RANBP3: variants seen among roughly 807,000 people sequenced by gnomAD.
The protein encoded by RANBP3 is RAN binding protein 3.
A neutral mutation model predicts 77.3 loss-of-function variants in RANBP3; 14 were observed. The observed-to-expected ratio is 0.18, with a 90% confidence interval of 0.12 to 0.28. The LOEUF (loss-of-function observed/expected upper bound fraction) is 0.28, where lower values mean the gene tolerates loss of function less well. Ranked by LOEUF, RANBP3 falls within the 10% of genes least tolerant of loss-of-function variation. The probability of loss-of-function intolerance (pLI) is 1.00; values close to 1 mark genes in which losing one functional copy is unlikely to be tolerated. For missense variants in RANBP3, 586 were observed against 752.3 expected (o/e 0.78, Z 2.59); for synonymous variants, 315 against 312.4 (o/e 1.01, Z -0.09).
chr19:5,932,634 G>A (rs915757305), intron 6 of RANBP3, 90 bp from the exon 7 acceptor site: 6 of 1,002,476 alleles, frequency 6.0e-6, no homozygotes, highest in Non-Finnish European at 9.2e-6. Flanking sequence ...CCCATTTCAT[G>A]CCCCTTGCAG....
rs3068973 is a variant in RANBP3 at position 5,961,732 on chromosome 19, T to TCAAAACAAAACAAAACAAAA, written c.23-3779_23-3760dup. Among the ~76,000 whole-genome samples the TCAAAACAAAACAAAACAAAA allele has an allele frequency of 1.5e-4, 23 of 149,360 alleles. 1 individual carries two copies. The highest frequency in any genetic ancestry group is 5.7e-4 in the African/African-American group (23 of 40,086). Reference sequence around the variant, plus strand: ...TGGGCAACAAGAGTGAAACTCTGTCTCAAAACAAAACAAAACAAAACAAAA... The same window carrying TCAAAACAAAACAAAACAAAA: ...TGGGCAACAAGAGTGAAACTCTGTCTCAAAACAAAACAAAACAAAACAAAACAAAACAAAACAAAACAAAA... On this transcript the variant is annotated intron_variant, in intron 1 of 16. Coordinates refer to ENST00000340578, the MANE Select transcript of RANBP3 (RefSeq NM_007322.3).
At chr19:5,918,135 G>A (rs981793381) in intron 15 of RANBP3, among the ~76,000 whole-genome samples, 155 bp from the exon 16 acceptor site, 8 of 152,172 alleles carry the variant, frequency 5.3e-5, no homozygotes, top group Admixed American at 1.3e-4. Context: ...GCCTCTCCCC[G>A]AAAGGATGCC....
chr19:5,946,093 C>T (rs946966172), intron 3 of RANBP3, among the ~76,000 whole-genome samples: 2 of 152,156 alleles, frequency 1.3e-5, no homozygotes, highest in African/African-American at 4.8e-5. Context: ...CCGTGGGCGC[C>T]CTCCCTCCAG....
At chr19:5,925,019 G>T in intron 10 of RANBP3, 114 bp from the exon 11 acceptor site, 11 of 927,774 alleles carry the variant, frequency 1.2e-5, no homozygotes, top group Non-Finnish European at 1.9e-5. Context: ...AGGGGCCTCC[G>T]CCACTGTGCA....
intron 1 of RANBP3, among the ~76,000 whole-genome samples, chr19:5,977,071 G>A (rs571020457): frequency 6.6e-6 from 1 of 152,310 alleles, no homozygotes; most frequent in Non-Finnish European, 1.5e-5. Context: ...TGCTCCACAA[G>A]ACCAAGCACT....
At chr19:5,944,311 T>C (rs1376626148) in intron 3 of RANBP3, among the ~76,000 whole-genome samples, 1 of 152,188 alleles carries the variant, frequency 6.6e-6, no homozygotes, top group Non-Finnish European at 1.5e-5. Context: ...TTTCTAGAAA[T>C]GCCAGAGCCT....
rs374730705 is a variant in RANBP3, at chr19:5,921,236, G to A, written c.1295C>T (p.Ala432Val). The A allele has an allele frequency of 5.0e-6, 8 of 1,612,876 alleles. No homozygotes were observed. The African/African-American group carries it at 8.0e-5, about 16-fold the overall frequency. ...CTGTAGTGTGCCGTCATCGGTGGACGCCATGTCATTGAGTCTGAGCAGCCC... is the reference window on the plus strand; with the variant it reads ...CTGTAGTGTGCCGTCATCGGTGGACACCATGTCATTGAGTCTGAGCAGCCC... ...GRGLLRLNDM[A>V]STDDGTLQSR... Residue 432 changes from alanine to valine, a missense_variant, in exon 14 of 17, where the codon GCG (alanine) becomes GTG (valine). Coordinates refer to ENST00000340578, the MANE Select transcript of RANBP3 (RefSeq NM_007322.3). The surrounding 1 kb of genome is among the most constrained non-coding windows in gnomAD (Gnocchi z 5.3).
intron 1 of RANBP3, among the ~76,000 whole-genome samples, chr19:5,963,403 T>C (rs913053340): frequency 2.1e-4 from 32 of 152,132 alleles, no homozygotes; most frequent in Admixed American, 5.9e-4. Context: ...AACAAACAAA[T>C]AGCCAGGCAT....
intron 13 of RANBP3, among the ~76,000 whole-genome samples, chr19:5,922,557 G>C (rs557336303): frequency 2.0e-5 from 3 of 152,246 alleles, no homozygotes; most frequent in Non-Finnish European, 4.4e-5. Context: ...GACACCACAG[G>C]ATGCCAGGTG....
intron 2 of RANBP3, among the ~76,000 whole-genome samples, chr19:5,957,106 C>A (rs1188273014): frequency 3.9e-5 from 6 of 151,974 alleles, no homozygotes; most frequent in Non-Finnish European, 8.8e-5. Flanking sequence ...TGGGGAGGGA[C>A]CACACATTAT....
At chr19:5,957,693 C>T (rs571296470) in intron 2 of RANBP3, among the ~76,000 whole-genome samples, 1 of 152,220 alleles carries the variant, frequency 6.6e-6, no homozygotes, top group African/African-American at 2.4e-5. Context: ...ACTGTACTCT[C>T]TGAGCCCTTT....
chr19:5,953,288 G>A (rs1263678545), intron 2 of RANBP3, among the ~76,000 whole-genome samples: 1 of 152,154 alleles, frequency 6.6e-6, no homozygotes, highest in East Asian at 1.9e-4. Flanking sequence ...AAGCTCTAAA[G>A]AACTAAGGTG....
chr19:5,936,703 G>A (rs2058069008), intron 5 of RANBP3, among the ~76,000 whole-genome samples: 1 of 152,218 alleles, frequency 6.6e-6, no homozygotes, highest in Non-Finnish European at 1.5e-5. Context: ...ACGGGGACCT[G>A]CCTGACAGGG....
chr19:5,925,904 T>G, intron 9 of RANBP3, 167 bp from the exon 10 acceptor site: 1 of 608,930 alleles, frequency 1.6e-6, no homozygotes. Flanking sequence ...GGCAGGGCTA[T>G]AATCAACTCC....
chr19:5,920,478 A>T (rs1042029382), intron 14 of RANBP3, among the ~76,000 whole-genome samples: 4 of 152,168 alleles, frequency 2.6e-5, no homozygotes, highest in African/African-American at 9.7e-5. Context: ...CTCCAAGCTA[A>T]ATGTCCACCA....
intron 8 of RANBP3, chr19:5,928,339 T>C (rs754863431): frequency 3.1e-6 from 1 of 327,808 alleles, no homozygotes; most frequent in Non-Finnish European, 5.5e-6. Context: ...AAGAAACACC[T>C]GTGCCCTGCA....
In RANBP3 at chr19:5,916,600, T is replaced by G. The variant is rs555135162; in HGVS notation, c.*1010A>C. 5.9e-5 allele frequency: 9 copies of G among 152,566 alleles called. No homozygotes were observed. In the East Asian group the frequency reaches 1.7e-3, roughly 29 times the overall value. 9.5% of individuals were successfully genotyped at this position (152,566 alleles called of 1,614,324 possible). On this transcript the variant is annotated 3_prime_UTR_variant, in exon 17 of 17. Transcript: ENST00000340578. ...AGCCCCTGGGCTCTTCCACCAAGAT[T>G]TGGTGAGGGTCCCCCTCTGCCTCTC...
At chr19:5,950,100 C>T (rs914332928) in intron 3 of RANBP3, among the ~76,000 whole-genome samples, 1 of 152,156 alleles carries the variant, frequency 6.6e-6, no homozygotes, top group African/African-American at 2.4e-5. Flanking sequence ...GGTGCAGTAA[C>T]TCACCATACC....
At chr19:5,970,300 C>G (rs2058515311) in intron 1 of RANBP3, among the ~76,000 whole-genome samples, 1 of 152,094 alleles carries the variant, frequency 6.6e-6, no homozygotes, top group Non-Finnish European at 1.5e-5. Flanking sequence ...ATGGCACAAA[C>G]CAGGGTGACC....
Sources: allele counts gnomAD v4.1 joint callset (sites outside exome capture counted in the v4.1 genomes callset), GRCh38; gene constraint gnomAD v4.1.1; non-coding constraint Gnocchi (gnomAD v3.1); transcripts MANE v1.5; gene names NCBI Gene and HGNC (gene_info 2026-07-23, HGNC 2026-07-21).